The following SUSD4 variants were observed in gnomAD, a reference collection of about 807,000 sequenced individuals.
The protein encoded by SUSD4 is sushi domain containing 4, also known as sushi domain-containing protein 4.
In SUSD4, 41 loss-of-function variants were observed where a neutral mutation model predicts 50.5. The ratio of observed to expected loss-of-function variants is 0.81; its 90% CI spans 0.63 to 1.05. The LOEUF is 1.05. Ranked by LOEUF, SUSD4 falls within the 50% of genes least tolerant of loss-of-function variation. The probability of loss-of-function intolerance (pLI) is 0.00; values close to 1 mark genes in which losing one functional copy is unlikely to be tolerated. For missense variants in SUSD4, 580 were observed against 634.7 expected, an observed-to-expected ratio of 0.91 and a Z score of 0.93; for synonymous variants, 257 against 257.3, an observed-to-expected ratio of 1.00 and a Z score of 0.01.
chr1:223,279,334 G>C (rs577915620), intron 3 of SUSD4, among the ~76,000 whole-genome samples: 63 of 152,308 alleles, frequency 4.1e-4, no homozygotes, highest in African/African-American at 1.5e-3. Flanking sequence ...AAAAAGATTA[G>C]ATGAATGGCT....
At chr1:223,251,260 T>G (rs897486828) in intron 5 of SUSD4, among the ~76,000 whole-genome samples, 4 of 152,184 alleles carry the variant, frequency 2.6e-5, no homozygotes, top group Non-Finnish European at 1.5e-5. Flanking sequence ...TGGCACAGGC[T>G]TCAGGAAGCT....
At chr1:223,223,865 G>A (rs1659310169) in intron 7 of SUSD4, among the ~76,000 whole-genome samples, 1 of 152,316 alleles carries the variant, frequency 6.6e-6, no homozygotes, top group African/African-American at 2.4e-5. Context: ...TCACTCTCTC[G>A]TGTCCTCCTG....
chr1:223,353,752 A>G (rs1668497940), intron 2 of SUSD4, among the ~76,000 whole-genome samples: 1 of 152,168 alleles, frequency 6.6e-6, no homozygotes, highest in Non-Finnish European at 1.5e-5. Context: ...AAGGGGCAGC[A>G]GCAGGGATGA....
chr1:223,252,173 C>A (rs1661359846), intron 5 of SUSD4, among the ~76,000 whole-genome samples: 1 of 140,328 alleles, frequency 7.1e-6, no homozygotes, highest in South Asian at 2.3e-4. Context: ...ACATATGTAA[C>A]AAACCTGCAC....
chr1:223,267,286 A>G (rs980938271), intron 4 of SUSD4, among the ~76,000 whole-genome samples: 1 of 152,220 alleles, frequency 6.6e-6, no homozygotes, highest in African/African-American at 2.4e-5. Context: ...TTTAAGTGAC[A>G]GAAAAGGAAA....
intron 2 of SUSD4, among the ~76,000 whole-genome samples, chr1:223,298,346 C>T (rs974952553): frequency 4.2e-4 from 64 of 152,150 alleles, no homozygotes; most frequent in African/African-American, 1.5e-3. Flanking sequence ...AGCACAGACA[C>T]ACTCTCTCCT....
chr1:223,312,771 TTC>T (rs1292440055), intron 2 of SUSD4, among the ~76,000 whole-genome samples: 1 of 152,078 alleles, frequency 6.6e-6, no homozygotes, highest in Non-Finnish European at 1.5e-5. Flanking sequence ...AATCCCTACA[TTC>T]TCTCTCTCTA....
At chr1:223,362,944 C>T in intron 2 of SUSD4, among the ~76,000 whole-genome samples, 1 of 24,294 alleles carries the variant, frequency 4.1e-5, no homozygotes, top group East Asian at 9.2e-4. Flanking sequence ...CCCCCCACCC[C>T]TCCCCCCCCC....
intron 2 of SUSD4, among the ~76,000 whole-genome samples, chr1:223,312,540 A>T (rs1665941440): frequency 6.6e-6 from 1 of 152,256 alleles, no homozygotes; most frequent in African/African-American, 2.4e-5. Context: ...GTATCTAAAA[A>T]CAGAGGAATT....
At chr1:223,225,030 C>T (rs1659421311) in intron 7 of SUSD4, among the ~76,000 whole-genome samples, 1 of 151,914 alleles carries the variant, frequency 6.6e-6, no homozygotes, top group Non-Finnish European at 1.5e-5. Context: ...CCACCACCCC[C>T]AGCTAATTTT....
chr1:223,292,323 C>T, intron 3 of SUSD4, 116 bp downstream of exon 3: 1 of 1,104,380 alleles, frequency 9.1e-7, no homozygotes, highest in Non-Finnish European at 1.4e-6. Flanking sequence ...CATGCAGGTG[C>T]AGCCCTGCAT....
At chr1:223,265,911 T>C (rs1052257635) in intron 4 of SUSD4, among the ~76,000 whole-genome samples, 2 of 152,178 alleles carry the variant, frequency 1.3e-5, no homozygotes, top group Non-Finnish European at 2.9e-5. Context: ...CAGATACAGA[T>C]TGTATGTGTC....
In SUSD4 at chr1:223,227,451, A is replaced by G; in HGVS notation, c.1061+143T>C. 2.5e-6 allele frequency: 3 copies of G among 1,180,842 alleles called. No individual in the cohort carries two copies. The highest frequency in any genetic ancestry group is 3.5e-6 in the Non-Finnish European group (3 of 855,398). 73.1% of individuals were successfully genotyped at this position (1,180,842 alleles called of 1,614,324 possible). A position where few individuals can be genotyped will look rare whatever the true frequency, so the allele number is the denominator to read the frequency against. On this transcript the variant is annotated intron_variant, in intron 7 of 8. Transcript: ENST00000366878. The surrounding 1 kb of genome is among the most constrained non-coding windows in gnomAD (Gnocchi z 4.5). The stretch of plus-strand genomic sequence containing the variant: ...GAGGTCTGTCTCCAGCTTTGTGCTC[A>G]AAACATCCCAGAACATTGTTTTTGC...
rs537768981 is a variant in SUSD4, at chr1:223,341,323, C to T, written c.148+21955G>A. ...CTGGATCATGATTCAGCATCTGACGCGGGCAGCCTCCACCAGAGCATAGCG... is the reference window on the plus strand; with the variant it reads ...CTGGATCATGATTCAGCATCTGACGTGGGCAGCCTCCACCAGAGCATAGCG... On this transcript the variant is annotated intron_variant, in intron 2 of 8. Coordinates refer to ENST00000366878, the MANE Select transcript of SUSD4 (RefSeq NM_017982.4). Among the ~76,000 whole-genome samples the T allele has an allele frequency of 8.5e-5, 13 of 152,326 alleles. No homozygotes were observed. In the East Asian group the frequency reaches 1.9e-3, roughly 23 times the overall value.
At chr1:223,327,987 G>A (rs547637629) in intron 2 of SUSD4, among the ~76,000 whole-genome samples, 11 of 152,004 alleles carry the variant, frequency 7.2e-5, no homozygotes, top group African/African-American at 2.2e-4. Flanking sequence ...TCCCAACACC[G>A]GTCTCCAATC....
At chr1:223,265,514 A>G (rs760767722) in intron 4 of SUSD4, among the ~76,000 whole-genome samples, 1 of 152,200 alleles carries the variant, frequency 6.6e-6, no homozygotes, top group Non-Finnish European at 1.5e-5. Flanking sequence ...TGACAACTGC[A>G]CTGCCAACAT....
At chr1:223,361,942 G>A (rs1669004809) in intron 2 of SUSD4, among the ~76,000 whole-genome samples, 1 of 152,208 alleles carries the variant, frequency 6.6e-6, no homozygotes, top group South Asian at 2.1e-4. Flanking sequence ...ACAGGTGCTG[G>A]CCTGGCCTCA....
intron 5 of SUSD4, among the ~76,000 whole-genome samples, chr1:223,237,346 T>G (rs1118313): frequency 0.15 from 22,049 of 152,060 alleles, 2,008 homozygotes; most frequent in East Asian, 0.28. Flanking sequence ...TTATTTCCTT[T>G]TCTTGCCTTA....
Position 223,227,670 on chromosome 1 carries a change from T to C in SUSD4, c.985A>G (p.Ser329Gly), listed in dbSNP as rs1659607363. 3 of 1,613,834 alleles carry C rather than the reference T, an allele frequency of 1.9e-6. No homozygotes were observed. The highest frequency in any genetic ancestry group is 2.5e-6 in the Non-Finnish European group (3 of 1,179,920). ...TWKIVAFTAT[S>G]VLLVLLLVIL... ...ACGAGCAGCAGCACCAGCAGCACAC[T>C]GGTTGCCGTGAACGCCACAATCTTC... Residue 329 changes from serine (S) to glycine (G), a missense_variant, in exon 7 of 9, where the codon AGT (serine) becomes GGT (glycine). Physicochemically the swap from Ser to Gly is moderately conservative, Grantham distance 56. Transcript: ENST00000366878. The surrounding 1 kb of genome is among the most constrained non-coding windows in gnomAD (Gnocchi z 4.5).
Sources: allele counts gnomAD v4.1 joint callset (sites outside exome capture counted in the v4.1 genomes callset), GRCh38; gene constraint gnomAD v4.1.1; non-coding constraint Gnocchi (gnomAD v3.1); transcripts MANE v1.5; gene names NCBI Gene and HGNC (gene_info 2026-07-23, HGNC 2026-07-21).